The following ATP2A3 variants were observed in gnomAD, a reference collection of about 807,000 sequenced individuals.
The protein encoded by ATP2A3 is ATPase sarcoplasmic/endoplasmic reticulum Ca2+ transporting 3.
In ATP2A3, 61 loss-of-function variants were observed where a neutral mutation model predicts 106.8. The ratio of observed to expected loss-of-function variants is 0.57; its 90% CI spans 0.46 to 0.71. ATP2A3 has a LOEUF of 0.71. Ranked by LOEUF, ATP2A3 falls within the 30% of genes least tolerant of loss-of-function variation. The probability of loss-of-function intolerance (pLI) is 0.00; values close to 1 mark genes in which losing one functional copy is unlikely to be tolerated. For synonymous variants in ATP2A3, 611 were observed against 609.3 expected (o/e 1.00, Z -0.04); for missense variants, 1,201 against 1,423.5 (o/e 0.84, Z 2.52).
At chr17:3,937,057 C>T in intron 15 of ATP2A3, 1 of 381,334 alleles carries the variant, frequency 2.6e-6, no homozygotes, top group Non-Finnish European at 5.0e-6. Context: ...GCACTCAGGC[C>T]ATGTGCACAC....
intron 14 of ATP2A3, among the ~76,000 whole-genome samples, chr17:3,939,164 C>T (rs1281618226): frequency 6.6e-6 from 1 of 152,040 alleles, no homozygotes; most frequent in Non-Finnish European, 1.5e-5. Flanking sequence ...GAGACCTCAT[C>T]ACACAAACAA....
intron 8 of ATP2A3, among the ~76,000 whole-genome samples, chr17:3,945,995 C>A (rs1489578686): frequency 6.6e-6 from 1 of 152,226 alleles, no homozygotes; most frequent in Non-Finnish European, 1.5e-5. Context: ...CGCCTGTAAT[C>A]CCAGCACTTT....
At chr17:3,944,832 A>G (rs2054000636) in intron 9 of ATP2A3, 26 bp from the exon 10 acceptor site, 1 of 1,591,054 alleles carries the variant, frequency 6.3e-7, no homozygotes, top group African/African-American at 1.3e-5. Flanking sequence ...GGTCACCAGG[A>G]GGACCTCGGC....
At chr17:3,943,748 G>T (rs539155027) in intron 10 of ATP2A3, among the ~76,000 whole-genome samples, 13 of 152,188 alleles carry the variant, frequency 8.5e-5, no homozygotes, top group Admixed American at 7.9e-4. Flanking sequence ...CACCGTCCCT[G>T]CCCTCCGCCT....
Position 3,926,883 on chromosome 17 carries a change from C to G in ATP2A3, c.2981-1442G>C, listed in dbSNP as rs1212143252. On this transcript the variant is annotated intron_variant, in intron 20 of 20. Coordinates refer to ENST00000397041, the MANE Select transcript of ATP2A3 (RefSeq NM_005173.4). The surrounding 1 kb of genome is among the most constrained non-coding windows in gnomAD (Gnocchi z 4.6). ...TGCACCCGGCCCGTTAGTCTCACCC[C>G]CTCTTGCCTGTCCTCCATGGTTGAC... is the stretch of plus-strand genomic sequence containing the variant. 1.0e-6 allele frequency: 1 copy of G among 985,312 alleles called. No individual in the cohort carries two copies. The highest frequency in any genetic ancestry group is 1.7e-5 in the African/African-American group (1 of 57,220). The allele number at this position is 985,312 out of a possible 1,614,324, so 61.0% of individuals were successfully genotyped here.
chr17:3,937,507 C>T lies in ATP2A3; in HGVS notation c.2230G>A (p.Val744Met), dbSNP rs753972486. The T allele has an allele frequency of 6.8e-6, 11 of 1,614,078 alleles. No individual in the cohort carries two copies. The highest frequency in any genetic ancestry group is 1.1e-5 in the South Asian group (1 of 91,078). ...VLSDDNFASI[V>M]AAVEEGRAIY... ...GCCCGGCCCTCCTCCACCGCAGCCA[C>T]GATGGAGGCAAAGTTGTCATCTGAC... Residue 744 changes from valine (V) to methionine (M), a missense_variant, in exon 15 of 21, where the codon GTG (valine) becomes ATG (methionine). Physicochemically the swap from Val to Met is conservative, Grantham distance 21 (BLOSUM62 1). Around this residue, in one of 2 missense-constraint regions of ATP2A3, gnomAD observed 935 missense variants for 1,176.7 expected, o/e 0.79. Coordinates refer to ENST00000397041, the MANE Select transcript of ATP2A3 (RefSeq NM_005173.4).
chr17:3,943,458 T>G lies in ATP2A3; in HGVS notation c.1352A>C (p.Lys451Thr). Residue 451 changes from lysine to threonine, a missense_variant, in exon 11 of 21, where the codon AAG becomes ACG. Coordinates refer to ENST00000397041, the MANE Select transcript of ATP2A3 (RefSeq NM_005173.4). ...TETALTCLVE[K>T]MNVFDTDLQA... is the part of the protein sequence containing the mutation. ...CAGGTCGGTGTCGAACACGTTCATCTTCTCCACCAGGCAAGTCAGAGCTGT... is the reference window on the plus strand; with the variant it reads ...CAGGTCGGTGTCGAACACGTTCATCGTCTCCACCAGGCAAGTCAGAGCTGT... The G allele has an allele frequency of 6.2e-7, 1 of 1,614,112 alleles. No homozygotes were observed. The highest frequency in any genetic ancestry group is 8.5e-7 in the Non-Finnish European group (1 of 1,179,998).
rs1357209541 is a variant in ATP2A3, at chr17:3,953,857, G to A, written c.119-147C>T. 2 of 886,714 alleles carry A rather than the reference G, an allele frequency of 2.3e-6. No homozygotes were observed. The highest frequency in any genetic ancestry group is 3.7e-6 in the Non-Finnish European group (2 of 544,948). 54.9% of individuals were successfully genotyped at this position (886,714 alleles called of 1,614,324 possible). The stretch of plus-strand genomic sequence containing the variant: ...TGGATGTATCCCCAGGGCTCTCTGA[G>A]GCCACAGGATAAATGGTTTGAGCCC... On this transcript the variant is annotated intron_variant, in intron 1 of 20. Transcript: ENST00000397041. This position sits in a 1 kb window ranked among gnomAD's most constrained non-coding sequence, Gnocchi z 5.1.
chr17:3,936,478 G>A lies in ATP2A3; in HGVS notation c.2322-9C>T. 2.5e-6 allele frequency: 4 copies of A among 1,613,760 alleles called. No homozygotes were observed. Among genetic ancestry groups the A allele is most frequent in the Non-Finnish European group, 3.4e-6 (4 of 1,179,982 alleles). Reference sequence around the variant, plus strand: ...TTGCCGTGAGGAAGATGCTGGAACAGAGTCATGAGCTCTAGCCCCGGTAGG... The same window carrying A: ...TTGCCGTGAGGAAGATGCTGGAACAAAGTCATGAGCTCTAGCCCCGGTAGG... On this transcript the variant is annotated splice_polypyrimidine_tract_variant and intron_variant, in intron 15 of 20. Coordinates refer to ENST00000397041, the MANE Select transcript of ATP2A3 (RefSeq NM_005173.4). The surrounding 1 kb of genome is among the most constrained non-coding windows in gnomAD (Gnocchi z 5.4).
At chr17:3,932,530 C>T (rs568690973) in intron 17 of ATP2A3, among the ~76,000 whole-genome samples, 1 of 152,352 alleles carries the variant, frequency 6.6e-6, no homozygotes, top group East Asian at 1.9e-4. Context: ...GCCTCGACTT[C>T]CTGGGCTCAG....
intron 3 of ATP2A3, among the ~76,000 whole-genome samples, chr17:3,952,734 C>T (rs890284167): frequency 6.6e-6 from 1 of 152,152 alleles, no homozygotes; most frequent in Non-Finnish European, 1.5e-5. Flanking sequence ...GGACTATAGG[C>T]CTGCACCACC....
In ATP2A3 at chr17:3,924,541, G is replaced by A. The variant is rs528862440; in HGVS notation, c.*881C>T. 7.9e-4 allele frequency: 273 copies of A among 344,380 alleles called. No homozygotes were observed. Among genetic ancestry groups the A allele is most frequent in the African/African-American group, 5.6e-3 (261 of 46,294 alleles). 21.3% of individuals were successfully genotyped at this position (344,380 alleles called of 1,614,324 possible). On this transcript the variant is annotated 3_prime_UTR_variant, in exon 21 of 21. Coordinates refer to ENST00000397041, the MANE Select transcript of ATP2A3 (RefSeq NM_005173.4). This position sits in a 1 kb window ranked among gnomAD's most constrained non-coding sequence, Gnocchi z 6.4. ...ACTGGGCTGGGTAGAAGGGCGCCAC[G>A]GTCAGGAACCTGAGGATGTCGGTGG...
intron 1 of ATP2A3, among the ~76,000 whole-genome samples, chr17:3,962,704 T>G (rs1183102398): frequency 8.5e-6 from 1 of 117,536 alleles, no homozygotes; most frequent in Admixed American, 9.6e-5. Flanking sequence ...AATGAAGACA[T>G]GATATCAGAA....
At position 3,928,126 on chromosome 17, in the gene ATP2A3, C is replaced by T; in HGVS notation, c.2980+537G>A. On this transcript the variant is annotated intron_variant, in intron 20 of 20. Transcript: ENST00000397041. This position sits in a 1 kb window ranked among gnomAD's most constrained non-coding sequence, Gnocchi z 6.1. ...ATGTCCCAGCCCACTTCTCTCCAGC[C>T]CGACACCTGCCATCCTGTCCTCTCC... 1 of 1,601,308 alleles carries T rather than the reference C, an allele frequency of 6.2e-7. No individual in the cohort carries two copies. The highest frequency in any genetic ancestry group is 8.6e-7 in the Non-Finnish European group (1 of 1,168,774).
intron 1 of ATP2A3, among the ~76,000 whole-genome samples, chr17:3,958,053 T>A (rs1055868014): frequency 1.1e-4 from 17 of 151,884 alleles, no homozygotes; most frequent in Admixed American, 3.3e-4. Context: ...AAGAGGGAGG[T>A]GATCAGAGAA....
intron 17 of ATP2A3, among the ~76,000 whole-genome samples, chr17:3,932,733 C>T (rs1021777400): frequency 1.3e-4 from 19 of 148,260 alleles, no homozygotes; most frequent in Admixed American, 2.0e-4. Context: ...AGCAGCCACA[C>T]GTTTCTATTT....
intron 8 of ATP2A3, chr17:3,945,456 C>G (rs1567704618): frequency 1.4e-5 from 4 of 294,642 alleles, no homozygotes; most frequent in African/African-American, 6.6e-5. Context: ...AGGCAGAAAG[C>G]CTGGGTCCTT....
At chr17:3,959,725 C>A (rs567692928) in intron 1 of ATP2A3, among the ~76,000 whole-genome samples, 3 of 152,366 alleles carry the variant, frequency 2.0e-5, no homozygotes, top group African/African-American at 7.2e-5. Flanking sequence ...ACCCGCCCAG[C>A]CCACCTGGCC....
chr17:3,933,871 A>T (rs1726832291), intron 17 of ATP2A3, among the ~76,000 whole-genome samples: 1 of 151,290 alleles, frequency 6.6e-6, no homozygotes, highest in Non-Finnish European at 1.5e-5. Context: ...CTGCCTGCCT[A>T]TGTCCTATTC....
Sources: allele counts gnomAD v4.1 joint callset (sites outside exome capture counted in the v4.1 genomes callset), GRCh38; gene constraint gnomAD v4.1.1; regional missense constraint gnomAD v4.1.1; non-coding constraint Gnocchi (gnomAD v3.1); transcripts MANE v1.5; gene names NCBI Gene and HGNC (gene_info 2026-07-23, HGNC 2026-07-21).